Variants in CCSER1 observed in about 807,000 individuals in gnomAD.
CCSER1 encodes the protein serine-rich coiled-coil domain-containing protein 1.
A neutral mutation model predicts 82.0 loss-of-function variants in CCSER1; 41 were observed. That is an observed-to-expected ratio of 0.50 (90% CI 0.39 to 0.65). The LOEUF (loss-of-function observed/expected upper bound fraction) is 0.65, where lower values mean the gene tolerates loss of function less well. Ranked by LOEUF, CCSER1 falls within the 30% of genes least tolerant of loss-of-function variation. The probability of loss-of-function intolerance (pLI) is 0.00; values close to 1 mark genes in which losing one functional copy is unlikely to be tolerated. For synonymous variants in CCSER1, 414 were observed against 383.9 expected (o/e 1.08, Z -0.92); for missense variants, 1,119 against 1,064.2 (o/e 1.05, Z -0.72).
At chr4:91,439,389 T>C (rs1424736249) in intron 10 of CCSER1, among the ~76,000 whole-genome samples, 1 of 151,994 alleles carries the variant, frequency 6.6e-6, no homozygotes, top group East Asian at 1.9e-4. Flanking sequence ...CTAAGCTTCA[T>C]AAGTGCAAGA....
chr4:91,509,123 C>T (rs1408218321), intron 10 of CCSER1, among the ~76,000 whole-genome samples: 1 of 151,018 alleles, frequency 6.6e-6, no homozygotes, highest in Non-Finnish European at 1.5e-5. Flanking sequence ...TATTTTCTTC[C>T]TTCTGCTTGC....
intron 1 of CCSER1, among the ~76,000 whole-genome samples, chr4:90,217,408 AG>A (rs1430778615): frequency 1.3e-5 from 2 of 152,134 alleles, no homozygotes; most frequent in Admixed American, 1.3e-4. Flanking sequence ...CATGTTGGCC[AG>A]GCTGGTCTCA....
intron 10 of CCSER1, among the ~76,000 whole-genome samples, chr4:91,411,746 CA>C (rs1753064593): frequency 5.5e-5 from 3 of 54,676 alleles, no homozygotes; most frequent in Admixed American, 4.8e-4. Context: ...GAGCTAGTGG[CA>C]CAAAAAAAAA....
At chr4:91,558,081 T>A (rs1762486222) in intron 10 of CCSER1, among the ~76,000 whole-genome samples, 1 of 141,346 alleles carries the variant, frequency 7.1e-6, no homozygotes, top group East Asian at 2.1e-4. Context: ...GGTATTTTAA[T>A]ATATTAATAA....
intron 5 of CCSER1, among the ~76,000 whole-genome samples, chr4:90,507,096 T>C (rs1038743678): frequency 1.3e-5 from 2 of 152,194 alleles, no homozygotes; most frequent in Non-Finnish European, 2.9e-5. Context: ...TAAAGGAATG[T>C]GGTTTTGTAC....
chr4:91,393,554 A>C (rs527619279), intron 10 of CCSER1, among the ~76,000 whole-genome samples: 2 of 152,234 alleles, frequency 1.3e-5, no homozygotes, highest in African/African-American at 4.8e-5. Context: ...ACCTGAAGAC[A>C]AATGGATATT....
chr4:90,667,499 C>G (rs917315088), intron 6 of CCSER1, among the ~76,000 whole-genome samples: 7 of 152,114 alleles, frequency 4.6e-5, no homozygotes, highest in Admixed American at 2.6e-4. Flanking sequence ...CCCAGCCCCC[C>G]ACTCCCTGAC....
chr4:90,988,307 C>T (rs1292186939), intron 9 of CCSER1, among the ~76,000 whole-genome samples: 2 of 122,574 alleles, frequency 1.6e-5, no homozygotes, highest in African/African-American at 6.2e-5. Flanking sequence ...TACACTCTAG[C>T]CTGGGAGACA....
intron 8 of CCSER1, among the ~76,000 whole-genome samples, chr4:90,857,126 C>T (rs1764551009): frequency 6.6e-6 from 1 of 151,980 alleles, no homozygotes; most frequent in Admixed American, 6.6e-5. Context: ...TCCTAAATTA[C>T]AAAATTTATT....
intron 10 of CCSER1, among the ~76,000 whole-genome samples, chr4:91,120,420 T>C (rs977563599): frequency 1.3e-5 from 2 of 151,960 alleles, no homozygotes; most frequent in Non-Finnish European, 2.9e-5. Context: ...AGGATGATTT[T>C]CCACCTCTTA....
intron 1 of CCSER1, among the ~76,000 whole-genome samples, chr4:90,210,363 C>T (rs1335098832): frequency 6.6e-6 from 1 of 151,968 alleles, no homozygotes; most frequent in African/African-American, 2.4e-5. Flanking sequence ...GAAGTTTAAG[C>T]AGTTGTCTTC....
At chr4:90,991,653 C>G (rs1392243838) in intron 9 of CCSER1, among the ~76,000 whole-genome samples, 1 of 151,918 alleles carries the variant, frequency 6.6e-6, no homozygotes, top group Admixed American at 6.6e-5. Flanking sequence ...CAAGTATGAC[C>G]TCATTTTAAA....
chr4:90,216,471 CTG>C (rs1200292823), intron 1 of CCSER1, among the ~76,000 whole-genome samples: 2 of 152,194 alleles, frequency 1.3e-5, no homozygotes, highest in African/African-American at 2.4e-5. Context: ...AACTACAAAA[CTG>C]TGACAGTCAG....
intron 5 of CCSER1, among the ~76,000 whole-genome samples, chr4:90,545,335 A>G (rs750819727): frequency 6.6e-6 from 1 of 152,170 alleles, no homozygotes; most frequent in South Asian, 2.1e-4. Context: ...ATTTCATGAG[A>G]TGGCACCACT....
chr4:91,000,270 G>C (rs2150474650), intron 9 of CCSER1, among the ~76,000 whole-genome samples: 1 of 120,130 alleles, frequency 8.3e-6, no homozygotes, highest in East Asian at 2.5e-4. Flanking sequence ...GTATAGTATA[G>C]TATAGTATGT....
intron 10 of CCSER1, among the ~76,000 whole-genome samples, chr4:91,569,146 A>G (rs1763039434): frequency 6.6e-6 from 1 of 152,116 alleles, no homozygotes; most frequent in African/African-American, 2.4e-5. Flanking sequence ...TTGGAGCATG[A>G]TACAGCAGTT....
At chr4:91,091,939 GTC>G (rs1396518623) in intron 10 of CCSER1, among the ~76,000 whole-genome samples, 3 of 152,178 alleles carry the variant, frequency 2.0e-5, no homozygotes, top group African/African-American at 7.2e-5. Flanking sequence ...GCCTGTAACT[GTC>G]TCTGCAATTC....
chr4:90,380,848 A>G (rs1301125838), intron 3 of CCSER1, among the ~76,000 whole-genome samples: 2 of 152,224 alleles, frequency 1.3e-5, no homozygotes, highest in Non-Finnish European at 2.9e-5. Flanking sequence ...AAGAAATTCA[A>G]GGTACTGTGT....
chr4:90,807,620 C>T lies in CCSER1; in HGVS notation c.2011-8142C>T, dbSNP rs560384013. ...GTAAAATAATGACCATGGTGAAAAT[C>T]GAATCAAGAACTCAGTCTCATTTAC... On this transcript the variant is annotated intron_variant, in intron 7 of 10. Transcript: ENST00000509176. Among the ~76,000 whole-genome samples, 25 of 148,202 alleles carry T rather than the reference C, an allele frequency of 1.7e-4. No homozygotes were observed. In the South Asian group the frequency reaches 1.7e-3, roughly 10 times the overall value.
Sources: allele counts gnomAD v4.1 joint callset (sites outside exome capture counted in the v4.1 genomes callset), GRCh38; gene constraint gnomAD v4.1.1; transcripts MANE v1.5; gene names NCBI Gene and HGNC (gene_info 2026-07-23, HGNC 2026-07-21).